RAF1: variants seen among roughly 807,000 people sequenced by gnomAD.
RAF1 encodes the protein Raf-1 proto-oncogene, serine/threonine kinase, also known as RAF proto-oncogene serine/threonine-protein kinase.
RAF1 carries 27 observed loss-of-function variants against 81.1 expected under a neutral mutation model. The observed-to-expected ratio is 0.33, with a 90% CI of 0.25 to 0.46. RAF1 has a LOEUF of 0.46. Ranked by LOEUF, RAF1 falls within the 20% of genes least tolerant of loss-of-function variation. The pLI is 1.00. For missense variants in RAF1, 598 were observed against 826.0 expected, an observed-to-expected ratio of 0.72 and a Z score of 3.38; for synonymous variants, 298 against 294.0, an observed-to-expected ratio of 1.01 and a Z score of -0.14.
rs2060968042 is a variant in RAF1 at position 12,663,931 on chromosome 3, G to T, written c.-145C>A. On this transcript the variant is annotated 5_prime_UTR_variant, in exon 1 of 18. It adds an upstream start codon to the 5' untranslated region. Transcript: ENST00000442415. The stretch of plus-strand genomic sequence containing the variant: ...TCACATTCGGCGCGTCCCCAGCCCA[G>T]GGGACGGAGCCCCGAGCAGCCCCCG... 1 of 398,222 alleles carries T rather than the reference G, an allele frequency of 2.5e-6. No individual in the cohort carries two copies. The highest frequency in any genetic ancestry group is 4.4e-6 in the Non-Finnish European group (1 of 225,846). 24.7% of individuals were successfully genotyped at this position (398,222 alleles called of 1,614,324 possible). A position where few individuals can be genotyped will look rare whatever the true frequency, so the allele number is the denominator to read the frequency against.
At chr3:12,601,878 G>C (rs2058873778) in intron 8 of RAF1, among the ~76,000 whole-genome samples, 1 of 152,134 alleles carries the variant, frequency 6.6e-6, no homozygotes. Flanking sequence ...TGTTTTGGAG[G>C]GGAATGTGAG....
intron 2 of RAF1, among the ~76,000 whole-genome samples, chr3:12,617,152 G>A (rs963944851): frequency 9.9e-5 from 15 of 151,592 alleles, no homozygotes; most frequent in Admixed American, 2.6e-4. Context: ...TCACCCTTTC[G>A]CCCAGGCTGG....
At chr3:12,636,251 A>G (rs2125516098) in intron 1 of RAF1, among the ~76,000 whole-genome samples, 1 of 151,284 alleles carries the variant, frequency 6.6e-6, no homozygotes, top group South Asian at 2.1e-4. Context: ...GCGACACTGC[A>G]CTCCAGCCTG....
chr3:12,645,643 G>A (rs1354327733), intron 1 of RAF1, among the ~76,000 whole-genome samples: 2 of 152,176 alleles, frequency 1.3e-5, no homozygotes, highest in Non-Finnish European at 2.9e-5. Flanking sequence ...AAGAGTTTTA[G>A]GCACTGAACT....
intron 1 of RAF1, among the ~76,000 whole-genome samples, chr3:12,632,757 G>A (rs1453267224): frequency 6.6e-6 from 1 of 152,174 alleles, no homozygotes; most frequent in Non-Finnish European, 1.5e-5. Context: ...TTATAAGCAT[G>A]ATTGAGTTTT....
chr3:12,595,019 G>A (rs1013943153), intron 11 of RAF1, among the ~76,000 whole-genome samples: 12 of 152,196 alleles, frequency 7.9e-5, no homozygotes, highest in Non-Finnish European at 1.8e-4. Context: ...TAGGATCAAT[G>A]AGCAAACATT....
At chr3:12,629,663 T>C (rs1336547033) in intron 1 of RAF1, among the ~76,000 whole-genome samples, 1 of 152,204 alleles carries the variant, frequency 6.6e-6, no homozygotes, top group Non-Finnish European at 1.5e-5. Context: ...GATCCGTGCA[T>C]TCATGGGAGA....
chr3:12,650,145 CAAAAAAA>C (rs36098034), intron 1 of RAF1, among the ~76,000 whole-genome samples: 1,352 of 76,924 alleles, frequency 0.018, 12 homozygotes, highest in Admixed American at 0.051. Context: ...GACTCCATCT[CAAAAAAA>C]AAAAAAAAAA....
At chr3:12,610,283 C>A (rs1311871674) in intron 3 of RAF1, among the ~76,000 whole-genome samples, 1 of 152,308 alleles carries the variant, frequency 6.6e-6, no homozygotes, top group East Asian at 1.9e-4. Flanking sequence ...CCATTTTTCT[C>A]ACTATCCAAC....
intron 1 of RAF1, among the ~76,000 whole-genome samples, chr3:12,631,285 C>G (rs1338537084): frequency 1.3e-5 from 2 of 152,164 alleles, no homozygotes; most frequent in African/African-American, 4.8e-5. Flanking sequence ...TATTATTTAT[C>G]TAATTGAGTT....
intron 1 of RAF1, among the ~76,000 whole-genome samples, chr3:12,625,697 G>A (rs2059681896): frequency 2.8e-5 from 4 of 143,298 alleles, no homozygotes; most frequent in Admixed American, 2.8e-4. Context: ...CTAAGTGAAA[G>A]AATATTTACC....
intron 2 of RAF1, 81 bp downstream of exon 2, chr3:12,618,434 T>C: frequency 1.4e-6 from 2 of 1,445,526 alleles, no homozygotes; most frequent in Non-Finnish European, 1.9e-6. Context: ...ATATTTTGCC[T>C]GTCTTTAAGT....
intron 1 of RAF1, among the ~76,000 whole-genome samples, chr3:12,624,244 G>A (rs1320049039): frequency 6.6e-6 from 1 of 152,110 alleles, no homozygotes; most frequent in Non-Finnish European, 1.5e-5. Context: ...TGCTTCAAGG[G>A]CCCTACAAGT....
At chr3:12,586,385 T>C (rs1354360508) in intron 14 of RAF1, among the ~76,000 whole-genome samples, 3 of 152,092 alleles carry the variant, frequency 2.0e-5, no homozygotes, top group East Asian at 1.9e-4. Context: ...TCATACAGTT[T>C]AAGTCAAACT....
In RAF1 at chr3:12,636,705, G is replaced by T. The variant is rs914168134; in HGVS notation, c.-26-17958C>A. ...ACCTGTAGTCCCAGCTACCTGGGCGGCTGAGAGGGGAGAATCACTTGAGCC... is the reference window on the plus strand; with the variant it reads ...ACCTGTAGTCCCAGCTACCTGGGCGTCTGAGAGGGGAGAATCACTTGAGCC... On this transcript the variant is annotated intron_variant, in intron 1 of 17. Transcript: ENST00000442415. Among the ~76,000 whole-genome samples the T allele has an allele frequency of 3.3e-5, 5 of 152,016 alleles. No homozygotes were observed. In the South Asian group the frequency reaches 6.2e-4, roughly 19 times the overall value.
chr3:12,611,967 A>C lies in RAF1; in HGVS notation c.303T>G (p.Leu101=). Reference sequence around the variant, plus strand: ...GCTCTTACCCTTTGTGTTCGTGGAGAAGTCTGAACACTGCACAGCACTCTG... The same window carrying C: ...GCTCTTACCCTTTGTGTTCGTGGAGCAGTCTGAACACTGCACAGCACTCTG... The change falls in exon 3 of 18, where the codon CTT becomes CTG. Residue 101 remains leucine, a synonymous_variant. Coordinates refer to ENST00000442415, the MANE Select transcript of RAF1 (RefSeq NM_001354689.3). 6.2e-7 allele frequency: 1 copy of C among 1,614,018 alleles called. No homozygotes were observed. Among genetic ancestry groups the C allele is most frequent in the Non-Finnish European group, 8.5e-7 (1 of 1,179,896 alleles).
intron 1 of RAF1, among the ~76,000 whole-genome samples, chr3:12,625,930 A>C (rs2059688852): frequency 6.6e-6 from 1 of 152,108 alleles, no homozygotes; most frequent in African/African-American, 2.4e-5. Context: ...GCGTAGTATA[A>C]TATCGAAAGT....
At chr3:12,641,196 C>T (rs1322529243) in intron 1 of RAF1, among the ~76,000 whole-genome samples, 4 of 123,570 alleles carry the variant, frequency 3.2e-5, no homozygotes, top group African/African-American at 1.3e-4. Context: ...GGGAACATCA[C>T]ACACCGGGGC....
At chr3:12,627,021 C>CAAAAAA (rs34692000) in intron 1 of RAF1, among the ~76,000 whole-genome samples, 6 of 76,926 alleles carry the variant, frequency 7.8e-5, no homozygotes, top group Non-Finnish European at 1.4e-4. Context: ...GACTCTGTCT[C>CAAAAAA]AAAAAAAAAA....
Sources: gnomAD v4.1 joint callset for allele counts (sites outside exome capture counted in the v4.1 genomes callset) on GRCh38, gnomAD v4.1.1 for gene constraint, MANE v1.5 for transcripts, NCBI Gene and HGNC (gene_info 2026-07-23, HGNC 2026-07-21) for gene names.